FBN2: variants seen among roughly 807,000 people sequenced by gnomAD.
The protein encoded by FBN2 is fibrillin-2.
FBN2 carries 105 observed loss-of-function variants against 355.6 expected under a neutral mutation model. That is an observed-to-expected ratio of 0.30 (90% CI 0.25 to 0.35). FBN2 has a LOEUF of 0.35. FBN2 is among the 10% of genes least tolerant of loss of function. The pLI is 1.00. For missense variants in FBN2, 3,280 were observed against 3,758.7 expected (o/e 0.87, Z 3.33); for synonymous variants, 1,350 against 1,301.2 (o/e 1.04, Z -0.81).
At chr5:128,315,940 G>A (rs1031107565) in intron 36 of FBN2, among the ~76,000 whole-genome samples, 3 of 152,208 alleles carry the variant, frequency 2.0e-5, no homozygotes, top group Non-Finnish European at 2.9e-5. Flanking sequence ...ATTGTGCTTA[G>A]ATGATTCACT....
At chr5:128,278,874 C>A (rs199889927) in intron 56 of FBN2, 33 bp from the exon 57 acceptor site, 3 of 1,541,994 alleles carry the variant, frequency 1.9e-6, no homozygotes, top group Non-Finnish European at 2.7e-6. Flanking sequence ...GTTAAGGATG[C>A]GGAACTGACA....
Position 128,537,714 on chromosome 5 carries a change from G to C in FBN2, c.-111C>G. ...GTCTAATAAGCCCTTCGTCGGCTCC[G>C]GGGACTCCCTCGGGCTCGGGCTCCC... On this transcript the variant is annotated 5_prime_UTR_variant, in exon 1 of 65. Transcript: ENST00000262464. 1 of 1,095,904 alleles carries C rather than the reference G, an allele frequency of 9.1e-7. No individual in the cohort carries two copies. Among genetic ancestry groups the C allele is most frequent in the Non-Finnish European group, 1.3e-6 (1 of 747,614 alleles). 67.9% of individuals were successfully genotyped at this position (1,095,904 alleles called of 1,614,324 possible). A position where few individuals can be genotyped will look rare whatever the true frequency, so the allele number is the denominator to read the frequency against.
intron 38 of FBN2, 133 bp from the exon 39 acceptor site, chr5:128,311,558 C>T (rs1750058051): frequency 2.2e-6 from 2 of 898,492 alleles, no homozygotes; most frequent in Non-Finnish European, 3.6e-6. Context: ...ACTTAGATGG[C>T]AAGTTTATTC....
In FBN2 at chr5:128,350,903, G is replaced by T. The variant is rs138429045; in HGVS notation, c.2777C>A (p.Ala926Asp). 73 of 1,614,032 alleles carry T rather than the reference G, an allele frequency of 4.5e-5. No homozygotes were observed. The highest frequency in any genetic ancestry group is 5.8e-5 in the Non-Finnish European group (69 of 1,180,046). ...CCGCTCACAGGGGCTCCCCCAGGCG[G>T]CTCCGAGGGTGGCACAGCATTCAGA... ...LKSECCATLG[A>D]AWGSPCERCE... Residue 926 changes from alanine to aspartate, a missense_variant, in exon 21 of 65, where the codon GCC becomes GAC. This residue lies in a region of FBN2 where 2,284 missense variants were observed against 2,749.5 expected (regional missense o/e 0.83). Coordinates refer to ENST00000262464, the MANE Select transcript of FBN2 (RefSeq NM_001999.4).
intron 5 of FBN2, among the ~76,000 whole-genome samples, chr5:128,491,088 T>A (rs1294948312): frequency 6.6e-6 from 1 of 152,140 alleles, no homozygotes; most frequent in African/African-American, 2.4e-5. Flanking sequence ...TAATATGATG[T>A]GAACAGAGAA....
chr5:128,400,843 A>G (rs1752780200), intron 8 of FBN2, among the ~76,000 whole-genome samples: 1 of 152,168 alleles, frequency 6.6e-6, no homozygotes. Flanking sequence ...CCAAATCTCA[A>G]CTTGAATTGT....
chr5:128,268,493 G>C (rs1765177015), intron 62 of FBN2, among the ~76,000 whole-genome samples: 1 of 152,140 alleles, frequency 6.6e-6, no homozygotes, highest in Admixed American at 6.5e-5. Context: ...CCAAACAATT[G>C]AAAAGTAGGG....
At chr5:128,487,525 A>T (rs1369093471) in intron 5 of FBN2, among the ~76,000 whole-genome samples, 1 of 152,198 alleles carries the variant, frequency 6.6e-6, no homozygotes, top group Non-Finnish European at 1.5e-5. Context: ...TTATCACAAT[A>T]CACATTTTTA....
intron 34 of FBN2, 175 bp downstream of exon 34, chr5:128,328,521 G>A: frequency 1.4e-6 from 1 of 734,736 alleles, no homozygotes; most frequent in East Asian, 2.7e-5. Flanking sequence ...AGAGATGAAA[G>A]CCGCCATCAT....
rs1480456396 is a variant in FBN2 at position 128,446,621 on chromosome 5, C to A, written c.827-15G>T. The A allele has an allele frequency of 6.2e-7, 1 of 1,612,606 alleles. No homozygotes were observed. The highest frequency in any genetic ancestry group is 1.1e-5 in the South Asian group (1 of 91,060). ...TTCATCAACATCTGCAAGAAGAAAA[C>A]ATTTTGAACACAGATGACACTGGTT... On this transcript the variant is annotated splice_polypyrimidine_tract_variant and intron_variant, in intron 6 of 64. Transcript: ENST00000262464.
At chr5:128,275,085 G>GA (rs1328309228) in intron 59 of FBN2, among the ~76,000 whole-genome samples, 2 of 152,064 alleles carry the variant, frequency 1.3e-5, no homozygotes, top group Non-Finnish European at 2.9e-5. Context: ...ATGAAGGTCC[G>GA]AACAGAAACA....
At chr5:128,268,464 C>T (rs1232037846) in intron 62 of FBN2, among the ~76,000 whole-genome samples, 1 of 152,164 alleles carries the variant, frequency 6.6e-6, no homozygotes, top group African/African-American at 2.4e-5. Context: ...GAGCTGGTAC[C>T]ATTCCTTCTG....
chr5:128,358,780 T>C (rs1751567164), intron 19 of FBN2, among the ~76,000 whole-genome samples: 1 of 151,922 alleles, frequency 6.6e-6, no homozygotes, highest in Non-Finnish European at 1.5e-5. Context: ...CACATATAAT[T>C]CTCCTATTAA....
chr5:128,330,742 A>T, intron 32 of FBN2, 47 bp from the exon 33 acceptor site: 1 of 1,604,420 alleles, frequency 6.2e-7, no homozygotes, highest in Non-Finnish European at 8.5e-7. Flanking sequence ...GGAACATTTA[A>T]GCACCTGGAA....
At chr5:128,374,312 G>C (rs888588985) in intron 15 of FBN2, among the ~76,000 whole-genome samples, 2 of 152,016 alleles carry the variant, frequency 1.3e-5, no homozygotes, top group Non-Finnish European at 2.9e-5. Context: ...GATGATTTTA[G>C]AACATTTTAA....
At chr5:128,332,060 A>G (rs1191637383) in intron 32 of FBN2, among the ~76,000 whole-genome samples, 1 of 152,242 alleles carries the variant, frequency 6.6e-6, no homozygotes, top group Non-Finnish European at 1.5e-5. Context: ...TTCAAATTCT[A>G]TAGTCAGTAC....
intron 25 of FBN2, 71 bp from the exon 26 acceptor site, chr5:128,339,132 G>C (rs1352236298): frequency 6.6e-7 from 1 of 1,524,734 alleles, no homozygotes; most frequent in Admixed American, 1.7e-5. Flanking sequence ...CGAAGGTGCT[G>C]CATGCTTGAA....
Position 128,449,388 on chromosome 5 carries a change from TA to T in FBN2, c.827-2783del, listed in dbSNP as rs1458154668. On this transcript the variant is annotated intron_variant, in intron 6 of 64. Coordinates refer to ENST00000262464, the MANE Select transcript of FBN2 (RefSeq NM_001999.4). ...ACTGTATAATTTATAGTATACTATATAATAGTATACTGTATAATTATATAGT... is the reference window on the plus strand; with the variant it reads ...ACTGTATAATTTATAGTATACTATATATAGTATACTGTATAATTATATAGT... 3.2e-5 allele frequency among the ~76,000 whole-genome samples: 3 copies of T among 94,186 alleles called. 1 individual carries two copies. Among genetic ancestry groups the T allele is most frequent in the African/African-American group, 1.3e-4 (2 of 15,152 alleles). 61.8% of individuals were successfully genotyped at this position (94,186 alleles called of 152,430 possible).
At position 128,519,211 on chromosome 5, in the gene FBN2, A is replaced by G. The variant is rs1471304790; in HGVS notation, c.628+62T>C. On this transcript the variant is annotated intron_variant, in intron 5 of 64. Coordinates refer to ENST00000262464, the MANE Select transcript of FBN2 (RefSeq NM_001999.4). The stretch of plus-strand genomic sequence containing the variant: ...CAGAATCTTCATTGAATAGCAAAAA[A>G]TTATACATTTTTACAATAAAATAGA... 6 of 1,182,496 alleles carry G rather than the reference A, an allele frequency of 5.1e-6. No individual in the cohort carries two copies. The East Asian group carries it at 1.5e-4, about 29-fold the overall frequency. The allele number at this position is 1,182,496 out of a possible 1,614,324, so 73.3% of individuals were successfully genotyped here.
Sources: gnomAD v4.1 joint callset for allele counts (sites outside exome capture counted in the v4.1 genomes callset) on GRCh38, gnomAD v4.1.1 for gene constraint, gnomAD v4.1.1 regional missense constraint, MANE v1.5 for transcripts, NCBI Gene and HGNC (gene_info 2026-07-23, HGNC 2026-07-21) for gene names.